CFAP299: variants seen among roughly 807,000 people sequenced by gnomAD.
CFAP299 encodes cilia and flagella associated protein 299, also known as cilia- and flagella-associated protein 299.
A neutral mutation model predicts 27.0 loss-of-function variants in CFAP299; 21 were observed. That is an observed-to-expected ratio of 0.78 (90% CI 0.55 to 1.12). The LOEUF is 1.12. Ranked by LOEUF, CFAP299 falls within the 50% of genes most tolerant of loss-of-function variation. The pLI, the probability that CFAP299 is intolerant of heterozygous loss-of-function variation, is 0.00. For missense variants in CFAP299, 310 were observed against 276.6 expected, an observed-to-expected ratio of 1.12 and a Z score of -0.86; for synonymous variants, 104 against 98.1, an observed-to-expected ratio of 1.06 and a Z score of -0.36.
At chr4:80,894,308 T>C (rs571852774) in intron 4 of CFAP299, among the ~76,000 whole-genome samples, 34 of 152,150 alleles carry the variant, frequency 2.2e-4, no homozygotes, top group Admixed American at 1.4e-3. Flanking sequence ...AGAGATGTTG[T>C]GAATTATTTA....
At chr4:80,747,493 T>C (rs1724690142) in intron 3 of CFAP299, among the ~76,000 whole-genome samples, 1 of 152,062 alleles carries the variant, frequency 6.6e-6, no homozygotes, top group Non-Finnish European at 1.5e-5. Flanking sequence ...TATAGTAGGA[T>C]TCTGAAAACA....
At chr4:80,601,028 A>T (rs1270942296) in intron 3 of CFAP299, among the ~76,000 whole-genome samples, 2 of 152,124 alleles carry the variant, frequency 1.3e-5, no homozygotes, top group Non-Finnish European at 2.9e-5. Flanking sequence ...AACAAATATT[A>T]GTTGTTATTA....
chr4:80,732,597 C>T (rs1723602201), intron 3 of CFAP299, among the ~76,000 whole-genome samples: 1 of 152,130 alleles, frequency 6.6e-6, no homozygotes, highest in Non-Finnish European at 1.5e-5. Context: ...TCTTTCTCTT[C>T]CTTCCATCAC....
chr4:80,426,582 T>C (rs1727539122), intron 2 of CFAP299, among the ~76,000 whole-genome samples: 1 of 152,212 alleles, frequency 6.6e-6, no homozygotes, highest in South Asian at 2.1e-4. Context: ...CTTACTAAAA[T>C]TGATTCTTGG....
intron 2 of CFAP299, among the ~76,000 whole-genome samples, chr4:80,567,532 A>G (rs1323091905): frequency 1.3e-5 from 2 of 151,902 alleles, no homozygotes; most frequent in South Asian, 2.1e-4. Flanking sequence ...AGTTTACGAA[A>G]AAAAGGGGAG....
At chr4:80,632,362 T>C (rs1225672592) in intron 3 of CFAP299, among the ~76,000 whole-genome samples, 1 of 152,224 alleles carries the variant, frequency 6.6e-6, no homozygotes, top group Non-Finnish European at 1.5e-5. Context: ...TCAATAAATA[T>C]ACATTTATTC....
chr4:80,659,161 C>T (rs1740706647), intron 3 of CFAP299, among the ~76,000 whole-genome samples: 2 of 151,934 alleles, frequency 1.3e-5, no homozygotes, highest in African/African-American at 2.4e-5. Flanking sequence ...TATATTAATA[C>T]TGGGCAGTTA....
chr4:80,847,829 T>C (rs535938550), intron 3 of CFAP299, among the ~76,000 whole-genome samples: 49 of 152,322 alleles, frequency 3.2e-4, no homozygotes, highest in African/African-American at 1.1e-3. Context: ...CTGAAGATTA[T>C]TTTGTTGGCC....
chr4:80,767,738 T>C (rs1430066824), intron 3 of CFAP299, among the ~76,000 whole-genome samples: 3 of 152,232 alleles, frequency 2.0e-5, no homozygotes, highest in Non-Finnish European at 4.4e-5. Context: ...GTGGCTGATT[T>C]AGCAGTGTTT....
rs1387373954 is a variant in CFAP299, at chr4:80,438,339, G to A, written c.242+75455G>A. Among the ~76,000 whole-genome samples, 5 of 152,206 alleles carry A rather than the reference G, an allele frequency of 3.3e-5. No homozygotes were observed. In the East Asian group the frequency reaches 9.7e-4, roughly 29 times the overall value. ...ATGCAAAGGCCTTGAGTTTCCAGGGGGCCTAATGTGTCTGAGGAATGGCAG... is the reference window on the plus strand; with the variant it reads ...ATGCAAAGGCCTTGAGTTTCCAGGGAGCCTAATGTGTCTGAGGAATGGCAG... On this transcript the variant is annotated intron_variant, in intron 2 of 5. Coordinates refer to ENST00000358105, the MANE Select transcript of CFAP299 (RefSeq NM_152770.3).
At chr4:80,861,903 T>G (rs1732396212) in intron 3 of CFAP299, among the ~76,000 whole-genome samples, 1 of 152,146 alleles carries the variant, frequency 6.6e-6, no homozygotes, top group Non-Finnish European at 1.5e-5. Flanking sequence ...CTTTTGGATT[T>G]TCTAAGTAAA....
chr4:80,711,736 A>G (rs940097687), intron 3 of CFAP299, among the ~76,000 whole-genome samples: 1 of 152,192 alleles, frequency 6.6e-6, no homozygotes, highest in African/African-American at 2.4e-5. Context: ...GTATTTAGCT[A>G]TCTGGGAGAT....
chr4:80,930,003 G>A (rs551139412), intron 4 of CFAP299, among the ~76,000 whole-genome samples: 1 of 152,168 alleles, frequency 6.6e-6, no homozygotes, highest in African/African-American at 2.4e-5. Context: ...TGGTGTTTGG[G>A]TGCCCTAGGA....
intron 3 of CFAP299, among the ~76,000 whole-genome samples, chr4:80,808,322 C>T (rs569125086): frequency 1.3e-5 from 2 of 152,038 alleles, no homozygotes; most frequent in Non-Finnish European, 2.9e-5. Context: ...CATGCTGCTA[C>T]CCTATGCAAA....
chr4:80,370,935 A>T (rs1470791082), intron 2 of CFAP299, among the ~76,000 whole-genome samples: 1 of 152,122 alleles, frequency 6.6e-6, no homozygotes, highest in Admixed American at 6.5e-5. Flanking sequence ...CTCTAACTCC[A>T]CATTTCCCTT....
At chr4:80,923,177 G>T (rs1736132118) in intron 4 of CFAP299, among the ~76,000 whole-genome samples, 1 of 151,978 alleles carries the variant, frequency 6.6e-6, no homozygotes, top group East Asian at 1.9e-4. Flanking sequence ...TAACACAATA[G>T]TTCACCCACA....
At chr4:80,710,909 A>G (rs1003499885) in intron 3 of CFAP299, among the ~76,000 whole-genome samples, 2 of 152,158 alleles carry the variant, frequency 1.3e-5, no homozygotes, top group Non-Finnish European at 2.9e-5. Context: ...TAGTGTAAGG[A>G]ACATGACTGT....
At chr4:80,780,961 T>A (rs1214999960) in intron 3 of CFAP299, among the ~76,000 whole-genome samples, 2 of 151,872 alleles carry the variant, frequency 1.3e-5, no homozygotes, top group Non-Finnish European at 2.9e-5. Flanking sequence ...CCTTCTTCCA[T>A]AAGAAATTTA....
chr4:80,704,184 T>C (rs1035531211), intron 3 of CFAP299, among the ~76,000 whole-genome samples: 1 of 151,562 alleles, frequency 6.6e-6, no homozygotes, highest in Non-Finnish European at 1.5e-5. Context: ...AGGTGGCATA[T>C]GACAAGGCTG....
Sources: allele counts gnomAD v4.1 joint callset (sites outside exome capture counted in the v4.1 genomes callset), GRCh38; gene constraint gnomAD v4.1.1; transcripts MANE v1.5; gene names NCBI Gene and HGNC (gene_info 2026-07-23, HGNC 2026-07-21).